The following STMN4 variants were observed in gnomAD, a reference collection of about 807,000 sequenced individuals.
The protein encoded by STMN4 is stathmin-4.
In STMN4, 12 loss-of-function variants were observed where a neutral mutation model predicts 29.1. The ratio of observed to expected loss-of-function variants is 0.41; its 90% CI spans 0.26 to 0.67. The LOEUF (loss-of-function observed/expected upper bound fraction) is 0.67. STMN4 is among the 30% of genes least tolerant of loss of function. STMN4 has a pLI of 0.30. For missense variants in STMN4, 181 were observed against 262.8 expected (o/e 0.69, Z 2.15); for synonymous variants, 114 against 105.3 (o/e 1.08, Z -0.51).
In STMN4 at chr8:27,241,745, C is replaced by T. The variant is rs112663653; in HGVS notation, c.122G>A (p.Arg41Lys). ...GCTTTCATCCTTCCTCCTACACTGT[C>T]TCCCACACCAGCCTAGACAGAAAAA... ...SSYKYEGWCG[R>K]QCRRKDESQR... is the part of the protein sequence containing the mutation. The change falls in exon 4 of 7, where the codon AGA (arginine) becomes AAA (lysine). Residue 41 changes from arginine (R) to lysine (K), a missense_variant. Physicochemically the swap from Arg to Lys is conservative, Grantham distance 26 (BLOSUM62 2). Transcript: ENST00000350889. 8.6e-5 allele frequency: 139 copies of T among 1,614,228 alleles called. 1 individual carries two copies. The African/African-American group carries it at 1.5e-3, about 18-fold the overall frequency.
In STMN4 at chr8:27,236,917, G is replaced by A. The variant is rs1323836727; in HGVS notation, c.592-12C>T. On this transcript the variant is annotated splice_polypyrimidine_tract_variant and intron_variant, in intron 6 of 6. Transcript: ENST00000350889. Reference sequence around the variant, plus strand: ...TCGGCGTGCTTGTCCTGGAAAGGAAGGGAGGGAAAAGGGCAGGTCACACAA... The same window carrying A: ...TCGGCGTGCTTGTCCTGGAAAGGAAAGGAGGGAAAAGGGCAGGTCACACAA... 1 of 1,606,224 alleles carries A rather than the reference G, an allele frequency of 6.2e-7. No homozygotes were observed. Among genetic ancestry groups the A allele is most frequent in the South Asian group, 1.1e-5 (1 of 89,440 alleles).
At chr8:27,252,827 T>A (rs1801831156) in intron 1 of STMN4, among the ~76,000 whole-genome samples, 1 of 152,224 alleles carries the variant, frequency 6.6e-6, no homozygotes, top group South Asian at 2.1e-4. Context: ...TGATTGCTGA[T>A]GGCATGTGAT....
intron 1 of STMN4, among the ~76,000 whole-genome samples, chr8:27,256,364 C>T (rs1374333664): frequency 6.6e-6 from 1 of 151,908 alleles, no homozygotes; most frequent in Non-Finnish European, 1.5e-5. Flanking sequence ...TGTGTATTTA[C>T]CGCAGTTAAA....
chr8:27,256,822 CT>C (rs1801954723), intron 1 of STMN4, among the ~76,000 whole-genome samples: 1 of 152,128 alleles, frequency 6.6e-6, no homozygotes, highest in African/African-American at 2.4e-5. Context: ...ATGCAAAAAT[CT>C]CCTCTAAAGC....
chr8:27,241,583 T>C (rs55727940), intron 4 of STMN4, 94 bp downstream of exon 4: 115,617 of 1,449,260 alleles, frequency 0.08, 5,174 homozygotes, highest in Non-Finnish European at 0.091. Context: ...TCGTCCGTGG[T>C]GACAGGCAGG....
At chr8:27,240,207 G>A (rs1338566823) in intron 5 of STMN4, 45 bp from the exon 6 acceptor site, 2 of 1,581,364 alleles carry the variant, frequency 1.3e-6, no homozygotes, top group Non-Finnish European at 8.6e-7. Context: ...CAGTGAGTGT[G>A]CCAGGGTTTA....
chr8:27,243,786 G>C lies in STMN4; in HGVS notation c.-63C>G, dbSNP rs529585417. On this transcript the variant is annotated 5_prime_UTR_variant, in exon 2 of 7. Transcript: ENST00000350889. Reference sequence around the variant, plus strand: ...ACAGAGTGGGTCTGTCACCAGCTTGGGACGCTGTCACCAACCTGAGAAAAG... The same window carrying C: ...ACAGAGTGGGTCTGTCACCAGCTTGCGACGCTGTCACCAACCTGAGAAAAG... The C allele has an allele frequency of 2.5e-6, 4 of 1,614,094 alleles. No individual in the cohort carries two copies. Among genetic ancestry groups the C allele is most frequent in the Middle Eastern group, 1.6e-4 (1 of 6,062 alleles).
intron 1 of STMN4, among the ~76,000 whole-genome samples, chr8:27,254,073 G>A (rs1489280306): frequency 1.3e-5 from 2 of 152,156 alleles, no homozygotes; most frequent in Non-Finnish European, 2.9e-5. Flanking sequence ...GTGAGCCATC[G>A]TGCCCGGCCC....
chr8:27,252,445 C>A (rs959918912), intron 1 of STMN4, among the ~76,000 whole-genome samples: 1 of 152,098 alleles, frequency 6.6e-6, no homozygotes, highest in Non-Finnish European at 1.5e-5. Flanking sequence ...AAAAAACAAA[C>A]AACCCCATCA....
At chr8:27,243,441 A>G (rs1388406057) in intron 2 of STMN4, among the ~76,000 whole-genome samples, 1 of 152,196 alleles carries the variant, frequency 6.6e-6, no homozygotes, top group East Asian at 1.9e-4. Context: ...AACTTAAAAA[A>G]AAACACACAT....
At chr8:27,257,344 C>T (rs1801970290) in intron 1 of STMN4, among the ~76,000 whole-genome samples, 2 of 152,094 alleles carry the variant, frequency 1.3e-5, no homozygotes, top group South Asian at 4.1e-4. Flanking sequence ...CAGCAGGCCA[C>T]CTCTGGCCAT....
intron 1 of STMN4, among the ~76,000 whole-genome samples, chr8:27,246,807 A>C (rs1315009234): frequency 1.3e-5 from 2 of 152,202 alleles, no homozygotes; most frequent in Non-Finnish European, 2.9e-5. Flanking sequence ...CTGACATCTC[A>C]GCTTTGAACT....
rs546684676 is a variant in STMN4 at position 27,237,882 on chromosome 8, G to A, written c.592-977C>T. Among the ~76,000 whole-genome samples, 7 of 152,208 alleles carry A rather than the reference G, an allele frequency of 4.6e-5. No individual in the cohort carries two copies. The South Asian group carries it at 1.5e-3, about 32-fold the overall frequency. ...TCTATTAGACGGTGACTTTCCTGTG[G>A]GTAGGGACCACATTATCTTTTCTAC... On this transcript the variant is annotated intron_variant, in intron 6 of 6. Transcript: ENST00000350889.
At chr8:27,255,319 C>T (rs1408044079) in intron 1 of STMN4, among the ~76,000 whole-genome samples, 2 of 152,294 alleles carry the variant, frequency 1.3e-5, no homozygotes, top group Non-Finnish European at 2.9e-5. Context: ...ATCTCTCCTC[C>T]CACAAAAGCA....
At chr8:27,241,308 AG>A (rs1426976271) in intron 4 of STMN4, 46 bp from the exon 5 acceptor site, 1 of 1,611,062 alleles carries the variant, frequency 6.2e-7, no homozygotes, top group Admixed American at 1.7e-5. Flanking sequence ...AAGAATGCAC[AG>A]GCACCCAGCA....
chr8:27,240,447 C>T (rs1466022961), intron 5 of STMN4, among the ~76,000 whole-genome samples: 1 of 152,108 alleles, frequency 6.6e-6, no homozygotes, highest in Non-Finnish European at 1.5e-5. Context: ...TGATCTTATA[C>T]TATGTGCCAG....
intron 1 of STMN4, among the ~76,000 whole-genome samples, chr8:27,251,277 C>T (rs1008783619): frequency 3.4e-4 from 37 of 107,766 alleles, no homozygotes; most frequent in Non-Finnish European, 5.9e-4. Context: ...TATATATACA[C>T]GTATATACGT....
chr8:27,239,209 G>C, intron 6 of STMN4: 1 of 1,534,774 alleles, frequency 6.5e-7, no homozygotes, highest in Non-Finnish European at 8.7e-7. Flanking sequence ...GGAAGGAGCG[G>C]GGACCACGCT....
Position 27,240,054 on chromosome 8 carries a change from C to T in STMN4, c.508G>A (p.Glu170Lys). Residue 170 changes from glutamate (E) to lysine (K), a missense_variant, in exon 6 of 7, where the codon GAA (glutamate) becomes AAA (lysine). Coordinates refer to ENST00000350889, the MANE Select transcript of STMN4 (RefSeq NM_030795.4). ...ENNNFIKMAK[E>K]KLAQKMESNK... is the part of the protein sequence containing the mutation. ...GATTCCATCTTCTGGGCCAGTTTTT[C>T]CTTAGCCATCTTGATGAAGTTGTTG... The T allele has an allele frequency of 6.2e-7, 1 of 1,614,236 alleles. No individual in the cohort carries two copies. The highest frequency in any genetic ancestry group is 8.5e-7 in the Non-Finnish European group (1 of 1,180,038).
Sources: gnomAD v4.1 joint callset for allele counts (sites outside exome capture counted in the v4.1 genomes callset) on GRCh38, gnomAD v4.1.1 for gene constraint, MANE v1.5 for transcripts, NCBI Gene and HGNC (gene_info 2026-07-23, HGNC 2026-07-21) for gene names.